Variants in NXPE3 observed in about 807,000 individuals in gnomAD.
NXPE3 encodes neurexophilin and PC-esterase domain family member 3, also known as NXPE family member 3.
A neutral mutation model predicts 46.1 loss-of-function variants in NXPE3; 26 were observed. The observed-to-expected ratio is 0.56, with a 90% CI of 0.41 to 0.78. NXPE3 has a LOEUF of 0.78. NXPE3 is among the 30% of genes least tolerant of loss of function. The pLI, the probability that NXPE3 is intolerant of heterozygous loss-of-function variation, is 0.00. For synonymous variants in NXPE3, 272 were observed against 257.9 expected (o/e 1.05, Z -0.52); for missense variants, 620 against 686.0 (o/e 0.90, Z 1.07).
At chr3:101,817,558 A>G (rs1942026334) in intron 7 of NXPE3, among the ~76,000 whole-genome samples, 1 of 152,108 alleles carries the variant, frequency 6.6e-6, no homozygotes, top group Admixed American at 6.6e-5. Context: ...GAGTCTGGGT[A>G]AGTTCCAGCA....
intron 4 of NXPE3, among the ~76,000 whole-genome samples, chr3:101,786,956 C>A (rs1187606215): frequency 1.3e-5 from 2 of 152,132 alleles, no homozygotes; most frequent in African/African-American, 4.8e-5. Flanking sequence ...GGCGCAGTGG[C>A]TCACACCTGT....
chr3:101,817,593 T>G (rs1289358572), intron 7 of NXPE3, among the ~76,000 whole-genome samples: 1 of 152,122 alleles, frequency 6.6e-6, no homozygotes, highest in Non-Finnish European at 1.5e-5. Context: ...ATTTCTCTGC[T>G]TGGCTCTGGG....
intron 7 of NXPE3, among the ~76,000 whole-genome samples, chr3:101,817,736 AC>A (rs1035315218): frequency 2.0e-5 from 3 of 151,998 alleles, no homozygotes; most frequent in Admixed American, 6.6e-5. Flanking sequence ...AGAAATAAAG[AC>A]CCTGCTTACA....
chr3:101,821,764 A>G lies in NXPE3; in HGVS notation c.1490A>G (p.Asn497Ser), dbSNP rs750846255. The part of the protein sequence containing the change: ...QELGPEVSLF[N>S]SDWYNFQLDT... ...CTGGGACCTGAGGTGAGCCTTTTCA[A>G]CAGCGACTGGTACAACTTTCAGCTG... Residue 497 changes from asparagine (N) to serine (S), a missense_variant, in exon 8 of 8, where the codon AAC (asparagine) becomes AGC (serine). Transcript: ENST00000273347. The G allele has an allele frequency of 1.2e-6, 2 of 1,614,208 alleles. No homozygotes were observed. The highest frequency in any genetic ancestry group is 1.6e-4 in the Middle Eastern group (1 of 6,062).
intron 4 of NXPE3, among the ~76,000 whole-genome samples, chr3:101,790,266 C>CTGTA (rs1296297959): frequency 6.6e-6 from 1 of 152,118 alleles, no homozygotes; most frequent in African/African-American, 2.4e-5. Context: ...TGGTTGTCTT[C>CTGTA]TGTATATCTT....
At chr3:101,792,175 T>C (rs1477606560) in intron 4 of NXPE3, among the ~76,000 whole-genome samples, 1 of 152,224 alleles carries the variant, frequency 6.6e-6, no homozygotes, top group African/African-American at 2.4e-5. Context: ...CTTTGTCAGA[T>C]GCATAGTTTG....
rs72937817 is a variant in NXPE3 at position 101,783,000 on chromosome 3, A to G, written c.-196+220A>G. 3.1e-3 allele frequency among the ~76,000 whole-genome samples: 476 copies of G among 152,214 alleles called. 2 individuals carry two copies. Among genetic ancestry groups the G allele is most frequent in the African/African-American group, 0.011 (443 of 41,534 alleles). Reference sequence around the variant, plus strand: ...TTATTTCCTGGTGAAAAATTAGGACATACAGATAAAGGAGAAAACAAAAAC... The same window carrying G: ...TTATTTCCTGGTGAAAAATTAGGACGTACAGATAAAGGAGAAAACAAAAAC... On this transcript the variant is annotated intron_variant, in intron 3 of 7. Transcript: ENST00000273347.
At position 101,822,553 on chromosome 3, in the gene NXPE3, T is replaced by C. The variant is rs1942305060; in HGVS notation, c.*599T>C. The C allele has an allele frequency of 6.6e-6, 1 of 152,274 alleles. No homozygotes were observed. The highest frequency in any genetic ancestry group is 1.5e-5 in the Non-Finnish European group (1 of 68,112). The allele number at this position is 152,274 out of a possible 1,614,324, so 9.4% of individuals were successfully genotyped here. A position where few individuals can be genotyped will look rare whatever the true frequency, so the allele number is the denominator to read the frequency against. On this transcript the variant is annotated 3_prime_UTR_variant, in exon 8 of 8. Transcript: ENST00000273347. ...TAGTGAATATTTACAATTTCCTGCT[T>C]TTATCTAGAAAAGAAGCAAAAGGGA...
In NXPE3 at chr3:101,824,885, C is replaced by G. The variant is rs1181978675; in HGVS notation, c.*2931C>G. 1.3e-5 allele frequency: 2 copies of G among 152,156 alleles called. No individual in the cohort carries two copies. Among genetic ancestry groups the G allele is most frequent in the African/African-American group, 4.8e-5 (2 of 41,422 alleles). The allele number at this position is 152,156 out of a possible 1,614,324, so 9.4% of individuals were successfully genotyped here. On this transcript the variant is annotated 3_prime_UTR_variant, in exon 8 of 8. Coordinates refer to ENST00000273347, the MANE Select transcript of NXPE3 (RefSeq NM_145037.4). The stretch of plus-strand genomic sequence containing the variant: ...TTTGGAATGATGCCACTTGATTGTG[C>G]AAATGATTTCTTATGATCTTGTCTG...
At chr3:101,805,059 T>G (rs2107308742) in intron 5 of NXPE3, among the ~76,000 whole-genome samples, 1 of 152,342 alleles carries the variant, frequency 6.6e-6, no homozygotes, top group Non-Finnish European at 1.5e-5. Context: ...TATCTTTCTT[T>G]GTGTTTATAT....
chr3:101,779,291 C>G lies in NXPE3; in HGVS notation c.-531C>G, dbSNP rs1392996078. On this transcript the variant is annotated 5_prime_UTR_variant, in exon 1 of 8. Transcript: ENST00000273347. ...CCGACCGGGGCGTCAGGATCCCTGG[C>G]CCCCGGAGAGCGAAGGGCGGGCGGG... 2 of 152,416 alleles carry G rather than the reference C, an allele frequency of 1.3e-5. No individual in the cohort carries two copies. The highest frequency in any genetic ancestry group is 6.5e-5 in the Admixed American group (1 of 15,284). 9.4% of individuals were successfully genotyped at this position (152,416 alleles called of 1,614,324 possible). A position where few individuals can be genotyped will look rare whatever the true frequency, so the allele number is the denominator to read the frequency against.
intron 6 of NXPE3, among the ~76,000 whole-genome samples, chr3:101,809,199 T>C (rs1293713482): frequency 2.6e-5 from 4 of 152,120 alleles, no homozygotes; most frequent in East Asian, 3.9e-4. Flanking sequence ...CCTTTTGATA[T>C]ATTTTTAGAG....
chr3:101,817,255 T>C (rs1370922491), intron 7 of NXPE3, among the ~76,000 whole-genome samples: 1 of 152,174 alleles, frequency 6.6e-6, no homozygotes, highest in Non-Finnish European at 1.5e-5. Flanking sequence ...GGACAAGTCA[T>C]TTACTTTTTA....
chr3:101,819,106 CCGTGAACTCA>C (rs1942130591), intron 7 of NXPE3, among the ~76,000 whole-genome samples: 1 of 152,004 alleles, frequency 6.6e-6, no homozygotes, highest in South Asian at 2.1e-4. Flanking sequence ...TCAAAATTGA[CCGTGAACTCA>C]CTGAGGGCAA....
intron 7 of NXPE3, 27 bp from the exon 8 acceptor site, chr3:101,821,377 T>C: frequency 6.3e-7 from 1 of 1,598,194 alleles, no homozygotes; most frequent in Non-Finnish European, 8.6e-7. Flanking sequence ...TGAAGGTTTT[T>C]ATGAACTTGA....
rs560560966 is a variant in NXPE3 at position 101,795,298 on chromosome 3, A to G, written c.94-5937A>G. ...ATTGGGAGGCCCAGGTGGGCGGATCATCTGAGGTCAGGAGTTTTGAGACCA... is the reference window on the plus strand; with the variant it reads ...ATTGGGAGGCCCAGGTGGGCGGATCGTCTGAGGTCAGGAGTTTTGAGACCA... On this transcript the variant is annotated intron_variant, in intron 4 of 7. Transcript: ENST00000273347. Among the ~76,000 whole-genome samples, 4 of 152,330 alleles carry G rather than the reference A, an allele frequency of 2.6e-5. No homozygotes were observed. The South Asian group carries it at 6.2e-4, about 24-fold the overall frequency.
chr3:101,791,760 A>G (rs1247006556), intron 4 of NXPE3, among the ~76,000 whole-genome samples: 1 of 152,118 alleles, frequency 6.6e-6, no homozygotes, highest in African/African-American at 2.4e-5. Context: ...ATTTGCATGC[A>G]TGTGTCTTTA....
At chr3:101,786,447 T>C (rs973085440) in intron 4 of NXPE3, among the ~76,000 whole-genome samples, 2 of 152,210 alleles carry the variant, frequency 1.3e-5, no homozygotes, top group Admixed American at 6.5e-5. Context: ...GAATCAACTT[T>C]GTGGTTTTTA....
chr3:101,824,158 A>C lies in NXPE3; in HGVS notation c.*2204A>C, dbSNP rs938716494. On this transcript the variant is annotated 3_prime_UTR_variant, in exon 8 of 8. Transcript: ENST00000273347. ...TGATGCCTCTGGGATTTATGAAACCAACCTTTGTGGCGAGTGCTCAGTGAT... is the reference window on the plus strand; with the variant it reads ...TGATGCCTCTGGGATTTATGAAACCCACCTTTGTGGCGAGTGCTCAGTGAT... The C allele has an allele frequency of 6.6e-6, 1 of 152,194 alleles. No homozygotes were observed. The highest frequency in any genetic ancestry group is 2.4e-5 in the African/African-American group (1 of 41,378). 9.4% of individuals were successfully genotyped at this position (152,194 alleles called of 1,614,324 possible). A position where few individuals can be genotyped will look rare whatever the true frequency, so the allele number is the denominator to read the frequency against.
Sources: gnomAD v4.1 joint callset for allele counts (sites outside exome capture counted in the v4.1 genomes callset) on GRCh38, gnomAD v4.1.1 for gene constraint, MANE v1.5 for transcripts, NCBI Gene and HGNC (gene_info 2026-07-23, HGNC 2026-07-21) for gene names.